The following EPG5 variants were observed in gnomAD, a reference collection of about 807,000 sequenced individuals.
EPG5 encodes the protein ectopic P-granules 5 autophagy tethering factor.
In EPG5, 159 loss-of-function variants were observed where a neutral mutation model predicts 302.7. The observed-to-expected ratio is 0.53, with a 90% CI of 0.46 to 0.60. EPG5 has a LOEUF of 0.60. Among genes scored for constraint, EPG5 ranks in the 20% least tolerant of loss-of-function variants. EPG5 has a pLI of 0.00. For synonymous variants in EPG5, 1,158 were observed against 1,136.8 expected (o/e 1.02, Z -0.37); for missense variants, 2,896 against 3,092.4 (o/e 0.94, Z 1.51).
chr18:45,922,255 G>A (rs2050171583), intron 16 of EPG5, 86 bp downstream of exon 16: 2 of 1,508,696 alleles, frequency 1.3e-6, no homozygotes, highest in African/African-American at 1.4e-5. Context: ...GTTTGACAGA[G>A]GCCTCAGAAC....
chr18:45,891,698 C>T (rs759393366), intron 27 of EPG5, among the ~76,000 whole-genome samples: 1 of 151,998 alleles, frequency 6.6e-6, no homozygotes, highest in African/African-American at 2.4e-5. Flanking sequence ...AAGAAAAAAG[C>T]TCTGTGACAT....
At chr18:45,827,578 C>A in the EPG5 span, among the ~76,000 whole-genome samples, 1 of 152,212 alleles carries the variant, frequency 6.6e-6, no homozygotes, top group East Asian at 1.9e-4. Context: ...TTACTGGCTG[C>A]ATGGCCTTGG....
chr18:45,927,503 T>C (rs576818050), intron 13 of EPG5, among the ~76,000 whole-genome samples: 76 of 151,918 alleles, frequency 5.0e-4, no homozygotes, highest in Non-Finnish European at 8.4e-4. Flanking sequence ...TATTGGTACA[T>C]CCGCATTCAC....
At chr18:45,904,397 T>C (rs1396163389) in intron 24 of EPG5, among the ~76,000 whole-genome samples, 1 of 152,206 alleles carries the variant, frequency 6.6e-6, no homozygotes, top group Non-Finnish European at 1.5e-5. Context: ...TAATACATTA[T>C]GTATACTATA....
chr18:45,868,341 T>C (rs1292607198), intron 36 of EPG5, among the ~76,000 whole-genome samples: 3 of 143,016 alleles, frequency 2.1e-5, no homozygotes, highest in Non-Finnish European at 4.6e-5. Context: ...CCTTTTTCCT[T>C]TTTTTTTTTT....
intron 1 of EPG5, among the ~76,000 whole-genome samples, chr18:45,965,504 C>T (rs771131875): frequency 6.6e-6 from 1 of 152,184 alleles, no homozygotes; most frequent in African/African-American, 2.4e-5. Flanking sequence ...CCACATAAGT[C>T]ATCTACAGTC....
chr18:45,819,878 A>G, the EPG5 span, among the ~76,000 whole-genome samples: 2,793 of 152,304 alleles, frequency 0.018, 91 homozygotes, highest in African/African-American at 0.064. Flanking sequence ...TGATTAGTTG[A>G]AGACACTGTG....
At chr18:45,938,886 A>G (rs1169943630) in intron 10 of EPG5, among the ~76,000 whole-genome samples, 1 of 152,186 alleles carries the variant, frequency 6.6e-6, no homozygotes, top group African/African-American at 2.4e-5. Context: ...GGCAAGAGGG[A>G]GTGTAGGCAG....
At chr18:45,836,698 T>G in the EPG5 span, among the ~76,000 whole-genome samples, 1 of 152,212 alleles carries the variant, frequency 6.6e-6, no homozygotes, top group East Asian at 1.9e-4. Flanking sequence ...CTCAGCTCCC[T>G]CCCTGCCCAG....
chr18:45,925,269 C>T (rs189748287), intron 14 of EPG5, among the ~76,000 whole-genome samples: 2 of 152,184 alleles, frequency 1.3e-5, no homozygotes, highest in Non-Finnish European at 2.9e-5. Context: ...GTCAGGAGTT[C>T]GAGACCAGCC....
At chr18:45,924,875 T>C (rs1203824717) in intron 14 of EPG5, among the ~76,000 whole-genome samples, 1 of 152,248 alleles carries the variant, frequency 6.6e-6, no homozygotes, top group Admixed American at 6.5e-5. Context: ...TGAGACTCCA[T>C]CTCAAAACAA....
chr18:45,805,701 G>C, the EPG5 span, among the ~76,000 whole-genome samples: 3 of 152,116 alleles, frequency 2.0e-5, no homozygotes, highest in Non-Finnish European at 1.5e-5. Context: ...TATATGCAAT[G>C]CCATGCCAGA....
Position 45,967,201 on chromosome 18 carries a change from G to T in EPG5, c.39C>A (p.Ala13=). 1 of 1,605,794 alleles carries T rather than the reference G, an allele frequency of 6.2e-7. No individual in the cohort carries two copies. The highest frequency in any genetic ancestry group is 2.2e-5 in the East Asian group (1 of 44,554). Residue 13 remains alanine, a synonymous_variant, in exon 1 of 44, where the codon GCC becomes GCA. Transcript: ENST00000282041. Reference sequence around the variant, plus strand: ...CCTTTGTTTTAGTCCGGCTGGCCTTGGCCTTGGCCCGGCGCTGGGGCTTCA... The same window carrying T: ...CCTTTGTTTTAGTCCGGCTGGCCTTTGCCTTGGCCCGGCGCTGGGGCTTCA... ...EAVKPQRRAK[A]KASRTKTKEK...
chr18:45,865,400 A>G (rs2048722980), intron 39 of EPG5, among the ~76,000 whole-genome samples: 1 of 152,206 alleles, frequency 6.6e-6, no homozygotes, highest in African/African-American at 2.4e-5. Flanking sequence ...CCCATTGTCC[A>G]GCTTAAAGGT....
At position 45,916,415 on chromosome 18, in the gene EPG5, T is replaced by C. The variant is rs574340550; in HGVS notation, c.3384+23A>G. ...GTTGGGAAGACAGGCGGGAGTGTGCTTAGGGGCTTGCAAGGCCCTCACCTG... is the reference window on the plus strand; with the variant it reads ...GTTGGGAAGACAGGCGGGAGTGTGCCTAGGGGCTTGCAAGGCCCTCACCTG... On this transcript the variant is annotated intron_variant, in intron 18 of 43. Coordinates refer to ENST00000282041, the MANE Select transcript of EPG5 (RefSeq NM_020964.3). 486 of 1,603,026 alleles carry C rather than the reference T, an allele frequency of 3.0e-4. 5 individuals are homozygous for C. The South Asian group carries it at 5.1e-3, about 17-fold the overall frequency.
At position 45,967,318 on chromosome 18, in the gene EPG5, G is replaced by C. The variant is rs954015729; in HGVS notation, c.-79C>G. Reference sequence around the variant, plus strand: ...AGCAACCTGCCCGGTTCTGGCCTCCGGACTGTCACATGATCGAATCTCCGC... The same window carrying C: ...AGCAACCTGCCCGGTTCTGGCCTCCCGACTGTCACATGATCGAATCTCCGC... On this transcript the variant is annotated 5_prime_UTR_variant, in exon 1 of 44. Transcript: ENST00000282041. The C allele has an allele frequency of 5.2e-6, 7 of 1,357,472 alleles. No homozygotes were observed. The Admixed American group carries it at 1.7e-4, about 33-fold the overall frequency. 84.1% of individuals were successfully genotyped at this position (1,357,472 alleles called of 1,614,324 possible). A position where few individuals can be genotyped will look rare whatever the true frequency, so the allele number is the denominator to read the frequency against.
intron 35 of EPG5, among the ~76,000 whole-genome samples, chr18:45,873,949 TA>T (rs1481112853): frequency 1.3e-5 from 2 of 152,152 alleles, no homozygotes; most frequent in African/African-American, 4.8e-5. Context: ...ATTCCAACCA[TA>T]GGACATTCTA....
chr18:45,866,115 A>G (rs1296901804), intron 38 of EPG5, among the ~76,000 whole-genome samples: 1 of 147,528 alleles, frequency 6.8e-6, no homozygotes, highest in Non-Finnish European at 1.5e-5. Flanking sequence ...GAGACAAGGT[A>G]CTATTTCTTT....
At chr18:45,901,563 G>A (rs1302160565) in intron 25 of EPG5, among the ~76,000 whole-genome samples, 2 of 152,128 alleles carry the variant, frequency 1.3e-5, no homozygotes, top group African/African-American at 4.8e-5. Context: ...AAAGGAATAA[G>A]CGTTATGGAA....
Sources: gnomAD v4.1 joint callset for allele counts (sites outside exome capture counted in the v4.1 genomes callset) on GRCh38, gnomAD v4.1.1 for gene constraint, MANE v1.5 for transcripts, NCBI Gene and HGNC (gene_info 2026-07-23, HGNC 2026-07-21) for gene names.